ZNF600: variants seen among roughly 807,000 people sequenced by gnomAD.
ZNF600 encodes zinc finger protein 600.
A neutral mutation model predicts 7.3 loss-of-function variants in ZNF600; 4 were observed. The ratio of observed to expected loss-of-function variants is 0.55; its 90% CI spans 0.27 to 1.25. The LOEUF is 1.25. Ranked by LOEUF, ZNF600 falls within the 50% of genes most tolerant of loss-of-function variation. ZNF600 has a pLI of 0.12. For missense variants in ZNF600, 911 were observed against 922.1 expected (o/e 0.99, Z 0.16); for synonymous variants, 290 against 308.9 (o/e 0.94, Z 0.64).
At chr19:52,782,088 C>A (rs1465587471) in intron 1 of ZNF600, among the ~76,000 whole-genome samples, 5 of 151,754 alleles carry the variant, frequency 3.3e-5, no homozygotes, top group African/African-American at 1.2e-4. Context: ...ATTAGCCAGG[C>A]CTCGTGGGGC....
At chr19:52,798,549 T>TAGAC in the ZNF600 span, 1 of 509,232 alleles carries the variant, frequency 2.0e-6, no homozygotes, top group Non-Finnish European at 4.0e-6. Flanking sequence ...GATTCTCTGA[T>TAGAC]GTCTATTGAG....
At chr19:52,801,750 T>C in the ZNF600 span, 7 of 1,514,094 alleles carry the variant, frequency 4.6e-6, no homozygotes, top group Non-Finnish European at 6.3e-6. Flanking sequence ...ACAGATGGTG[T>C]ATAATACTGA....
At chr19:52,799,179 C>T in the ZNF600 span, 1 of 414,158 alleles carries the variant, frequency 2.4e-6, no homozygotes, top group South Asian at 2.4e-5. Flanking sequence ...ACATTCATTA[C>T]ACTTGTAGGG....
the ZNF600 span, chr19:52,810,308 T>A: frequency 2.6e-6 from 4 of 1,566,948 alleles, no homozygotes; most frequent in East Asian, 4.5e-5. Flanking sequence ...CTGATGCCCG[T>A]TCCATCAATG....
At chr19:52,770,106 C>G (rs576633087) in intron 3 of ZNF600, among the ~76,000 whole-genome samples, 20 of 152,244 alleles carry the variant, frequency 1.3e-4, no homozygotes, top group South Asian at 6.2e-4. Flanking sequence ...ACTACCTTCT[C>G]ATGTATGAGG....
At chr19:52,794,323 C>T in the ZNF600 span, among the ~76,000 whole-genome samples, 1 of 152,156 alleles carries the variant, frequency 6.6e-6, no homozygotes, top group Non-Finnish European at 1.5e-5. Context: ...CCCTCTCCTA[C>T]AGGAAAAGCC....
intron 1 of ZNF600, among the ~76,000 whole-genome samples, chr19:52,786,138 C>T (rs1028047297): frequency 6.6e-6 from 1 of 152,076 alleles, no homozygotes; most frequent in African/African-American, 2.4e-5. Context: ...CCCGTAGAAG[C>T]GCATTTTCCA....
At chr19:52,786,666 C>A in exon 1 of ZNF600, 2 of 218,354 alleles carry the variant, frequency 9.2e-6, no homozygotes, top group East Asian at 1.2e-4. Context: ...GATCCCACGT[C>A]CCAGGGGCAG....
chr19:52,799,986 G>C, the ZNF600 span: 5 of 1,612,930 alleles, frequency 3.1e-6, no homozygotes, highest in Non-Finnish European at 4.2e-6. Flanking sequence ...TATAAGCGAT[G>C]ATGTCTGACG....
At chr19:52,816,870 T>TAATAATAATAAA in the ZNF600 span, among the ~76,000 whole-genome samples, 1 of 135,118 alleles carries the variant, frequency 7.4e-6, no homozygotes, top group African/African-American at 2.8e-5. Flanking sequence ...ATAATAATAA[T>TAATAATAATAAA]AAAACGTGGA....
At chr19:52,797,649 T>G in the ZNF600 span, 1 of 154,956 alleles carries the variant, frequency 6.5e-6, no homozygotes, top group Non-Finnish European at 1.5e-5. Context: ...AATAAACATA[T>G]AAAGGTGAGA....
intron 3 of ZNF600, among the ~76,000 whole-genome samples, chr19:52,773,284 A>G (rs1432250353): frequency 6.6e-6 from 1 of 152,234 alleles, no homozygotes; most frequent in Non-Finnish European, 1.5e-5. Flanking sequence ...ATGGTAAAAT[A>G]TTGACCCAAG....
Position 52,766,061 on chromosome 19 carries a change from G to A in ZNF600, c.1902C>T (p.His634=), listed in dbSNP as rs1482832459. Residue 634 remains histidine (H), a synonymous_variant, in exon 4 of 4, where the codon CAC becomes CAT. Transcript: ENST00000648973. ...TACGATGGTGAACAAGGGATGGCTT[G>A]TGACTGAAGGTCTTGCCACACTCAT... The A allele has an allele frequency of 1.9e-6, 3 of 1,613,084 alleles. 1 individual carries two copies. The highest frequency in any genetic ancestry group is 2.5e-6 in the Non-Finnish European group (3 of 1,179,846).
At chr19:52,830,641 C>T in the ZNF600 span, among the ~76,000 whole-genome samples, 10 of 151,962 alleles carry the variant, frequency 6.6e-5, no homozygotes, top group African/African-American at 1.5e-4. Context: ...CTGATTTAAG[C>T]AGCCTCCTAT....
At chr19:52,786,112 A>G (rs1385423258) in intron 1 of ZNF600, among the ~76,000 whole-genome samples, 1 of 151,806 alleles carries the variant, frequency 6.6e-6, no homozygotes, top group Non-Finnish European at 1.5e-5. Context: ...GCGGGTTTGG[A>G]GTAAGACGCC....
At chr19:52,824,680 C>G in the ZNF600 span, among the ~76,000 whole-genome samples, 2 of 151,972 alleles carry the variant, frequency 1.3e-5, no homozygotes, top group South Asian at 4.2e-4. Context: ...AAAGAAAAAT[C>G]TGGAGAGGTC....
At chr19:52,833,049 G>C in the ZNF600 span, among the ~76,000 whole-genome samples, 624 of 152,234 alleles carry the variant, frequency 4.1e-3, 1 homozygote, top group Non-Finnish European at 6.7e-3. Flanking sequence ...GGGATTACAG[G>C]CATAAGCCAC....
exon 4 of ZNF600, chr19:52,765,486 T>A (rs370920863): frequency 6.4e-7 from 1 of 1,556,268 alleles, no homozygotes. Flanking sequence ...TCTGAAAAAT[T>A]TGCCACATTT....
At chr19:52,822,195 C>A in the ZNF600 span, among the ~76,000 whole-genome samples, 1 of 149,696 alleles carries the variant, frequency 6.7e-6, no homozygotes, top group Non-Finnish European at 1.5e-5. Context: ...GCCTCAGCCT[C>A]CGGAGTAGCT....
Sources: allele counts gnomAD v4.1 joint callset (sites outside exome capture counted in the v4.1 genomes callset), GRCh38; gene constraint gnomAD v4.1.1; transcripts MANE v1.5; gene names NCBI Gene and HGNC (gene_info 2026-07-23, HGNC 2026-07-21).